The following CPLANE1 variants were observed in gnomAD, a reference collection of about 807,000 sequenced individuals.
CPLANE1 encodes the protein ciliogenesis and planar polarity effector 1.
In CPLANE1, 263 loss-of-function variants were observed where a neutral mutation model predicts 362.5. The observed-to-expected ratio is 0.73, with a 90% CI of 0.66 to 0.80. CPLANE1 has a LOEUF of 0.80. Among genes scored for constraint, CPLANE1 ranks in the 30% least tolerant of loss-of-function variants. CPLANE1 has a pLI of 0.00. For missense variants in CPLANE1, 3,461 were observed against 3,793.4 expected (o/e 0.91, Z 2.30); for synonymous variants, 1,212 against 1,302.6 (o/e 0.93, Z 1.50).
At chr5:37,119,668 T>C (rs1762062718) in intron 50 of CPLANE1, among the ~76,000 whole-genome samples, 2 of 140,380 alleles carry the variant, frequency 1.4e-5, no homozygotes, top group African/African-American at 2.7e-5. Context: ...TGAAACTCCG[T>C]CTCAAAAAAA....
chr5:37,202,463 T>C (rs907001719), intron 18 of CPLANE1, among the ~76,000 whole-genome samples: 9 of 152,170 alleles, frequency 5.9e-5, no homozygotes, highest in African/African-American at 2.2e-4. Flanking sequence ...TTTTTCCTTT[T>C]CTTAATAGTA....
intron 39 of CPLANE1, 73 bp downstream of exon 39, chr5:37,158,151 T>C: frequency 6.0e-6 from 9 of 1,490,656 alleles, no homozygotes; most frequent in Non-Finnish European, 8.3e-6. Flanking sequence ...TCTACCCAAT[T>C]GAATAATGTC....
intron 32 of CPLANE1, among the ~76,000 whole-genome samples, chr5:37,173,165 G>A (rs1780266832): frequency 6.6e-6 from 1 of 152,072 alleles, no homozygotes; most frequent in Non-Finnish European, 1.5e-5. Flanking sequence ...ACCATTGTTG[G>A]TAAACAGAAA....
downstream of CPLANE1, among the ~76,000 whole-genome samples, chr5:37,102,375 G>C (rs905564066): frequency 5.9e-5 from 9 of 151,766 alleles, no homozygotes; most frequent in Admixed American, 2.0e-4. Context: ...TTTAGTAGAG[G>C]CAGGATCTCA....
At position 37,120,325 on chromosome 5, in the gene CPLANE1, A is replaced by G. The variant is rs1167635435; in HGVS notation, c.9201T>C (p.Gly3067=). ...CAGGTCGATTTATTAGAAAACTGTGACCATGTTGATTCTCTCTATAGTAGA... is the reference window on the plus strand; with the variant it reads ...CAGGTCGATTTATTAGAAAACTGTGGCCATGTTGATTCTCTCTATAGTAGA... The part of the protein sequence containing the change: ...CPSPRGENQH[G]HSFLINRPGK... The change falls in exon 50 of 53, where the codon GGT becomes GGC. Residue 3067 remains glycine, a synonymous_variant. Coordinates refer to ENST00000651892, the MANE Select transcript of CPLANE1 (RefSeq NM_001384732.1). 1 of 1,584,812 alleles carries G rather than the reference A, an allele frequency of 6.3e-7. No homozygotes were observed. The highest frequency in any genetic ancestry group is 2.3e-5 in the East Asian group (1 of 44,048).
intron 6 of CPLANE1, among the ~76,000 whole-genome samples, chr5:37,242,014 C>A (rs1002399448): frequency 6.6e-6 from 1 of 151,940 alleles, no homozygotes; most frequent in Admixed American, 6.6e-5. Context: ...AAATAAAAAC[C>A]ACACCACACC....
At chr5:37,090,868 T>C in the CPLANE1 span, among the ~76,000 whole-genome samples, 1 of 152,224 alleles carries the variant, frequency 6.6e-6, no homozygotes, top group Non-Finnish European at 1.5e-5. Context: ...GAGCCCACCC[T>C]GTGTGCTCTT....
chr5:37,201,802 A>C lies in CPLANE1; in HGVS notation c.3296T>G (p.Ile1099Ser), dbSNP rs756480354. Residue 1099 changes from isoleucine (I) to serine (S), a missense_variant, in exon 19 of 53, where the codon ATT (isoleucine) becomes AGT (serine). Ile to Ser is a moderately radical substitution (Grantham distance 142). Around this residue, in one of 2 missense-constraint regions of CPLANE1, gnomAD observed 3,380 missense variants for 3,666.1 expected, o/e 0.92. Coordinates refer to ENST00000651892, the MANE Select transcript of CPLANE1 (RefSeq NM_001384732.1). The part of the protein sequence containing the change: ...GSKYKQFTDP[I>S]EEEDANLLFG... ...TAGCAGATTTGCATCTTCCTCTTCA[A>C]TGGGATCTATCAAATACAAAAATTT... 6.2e-7 allele frequency: 1 copy of C among 1,608,596 alleles called. No individual in the cohort carries two copies. The highest frequency in any genetic ancestry group is 1.7e-5 in the Admixed American group (1 of 59,836).
At chr5:37,105,948 A>G (rs1757567785), downstream of CPLANE1, among the ~76,000 whole-genome samples, 1 of 152,238 alleles carries the variant, frequency 6.6e-6, no homozygotes, top group Admixed American at 6.5e-5. Context: ...AAGGAAGTCA[A>G]TACCATAATG....
chr5:37,148,317 T>C (rs1772370348), intron 42 of CPLANE1, 49 bp from the exon 43 acceptor site: 3 of 1,316,352 alleles, frequency 2.3e-6, no homozygotes, highest in Non-Finnish European at 3.2e-6. Flanking sequence ...TTTGATAATT[T>C]CAAAATAACA....
chr5:37,087,420 C>A, the CPLANE1 span, among the ~76,000 whole-genome samples: 1 of 152,178 alleles, frequency 6.6e-6, no homozygotes, highest in Non-Finnish European at 1.5e-5. Context: ...CCTGAGCCCC[C>A]TCCTCCAATA....
intron 38 of CPLANE1, among the ~76,000 whole-genome samples, chr5:37,158,717 AT>A (rs553406752): frequency 3.0e-3 from 453 of 151,262 alleles, no homozygotes; most frequent in Non-Finnish European, 5.3e-3. Context: ...CCTATAACTA[AT>A]TTTTTTTTAA....
Position 37,198,834 on chromosome 5 carries a change from T to C in CPLANE1, c.3540A>G (p.Glu1180=), listed in dbSNP as rs1214972772. The C allele has an allele frequency of 1.2e-6, 2 of 1,614,110 alleles. No individual in the cohort carries two copies. Among genetic ancestry groups the C allele is most frequent in the East Asian group, 4.5e-5 (2 of 44,876 alleles). The change falls in exon 20 of 53, where the codon GAA becomes GAG. Residue 1180 remains glutamate, a synonymous_variant. Coordinates refer to ENST00000651892, the MANE Select transcript of CPLANE1 (RefSeq NM_001384732.1). ...CAGATACCTTCTGGCGATTATTTTT[T>C]TCAGCTTTTAAAAGAAGATCATCAC... ...EDGDDLLLKA[E]KNNRQKVSGI... is the part of the protein sequence containing the mutation.
intron 45 of CPLANE1, 70 bp downstream of exon 45, chr5:37,139,269 AT>A (rs1768881277): frequency 7.4e-7 from 1 of 1,353,640 alleles, no homozygotes; most frequent in Admixed American, 2.7e-5. Flanking sequence ...ATTCACACAC[AT>A]ATGAACAAAA....
chr5:37,194,014 C>T (rs898144041), intron 21 of CPLANE1, among the ~76,000 whole-genome samples: 2 of 151,742 alleles, frequency 1.3e-5, no homozygotes, highest in Non-Finnish European at 2.9e-5. Flanking sequence ...CTCCATCTCC[C>T]AGGTTCAAGT....
At chr5:37,172,482 G>A (rs1368396554) in intron 32 of CPLANE1, among the ~76,000 whole-genome samples, 3 of 152,152 alleles carry the variant, frequency 2.0e-5, no homozygotes, top group African/African-American at 7.2e-5. Context: ...TAAATATATA[G>A]GACAGTGACC....
chr5:37,192,210 C>T (rs1785737165), intron 21 of CPLANE1, among the ~76,000 whole-genome samples: 1 of 152,164 alleles, frequency 6.6e-6, no homozygotes, highest in African/African-American at 2.4e-5. Flanking sequence ...ATTCTGTATT[C>T]AGTACTGCAG....
chr5:37,167,345 A>G, intron 34 of CPLANE1, 132 bp from the exon 35 acceptor site: 3 of 712,430 alleles, frequency 4.2e-6, no homozygotes, highest in Non-Finnish European at 6.8e-6. Context: ...CAAATATAAC[A>G]AATTGATTTA....
At chr5:37,085,301 T>C in the CPLANE1 span, 1 of 1,067,622 alleles carries the variant, frequency 9.4e-7, no homozygotes, top group African/African-American at 1.6e-5. Context: ...TAACCTACCC[T>C]GCTGGATTCA....
Sources: gnomAD v4.1 joint callset for allele counts (sites outside exome capture counted in the v4.1 genomes callset) on GRCh38, gnomAD v4.1.1 for gene constraint, gnomAD v4.1.1 regional missense constraint, MANE v1.5 for transcripts, NCBI Gene and HGNC (gene_info 2026-07-23, HGNC 2026-07-21) for gene names.